The following XIRP2 variants were observed in gnomAD, a reference collection of about 807,000 sequenced individuals.
The protein encoded by XIRP2 is xin actin-binding repeat-containing protein 2.
Under a neutral mutation model 277.0 loss-of-function variants are expected in XIRP2, and 236 were observed. The observed-to-expected ratio is 0.85, with a 90% CI of 0.77 to 0.95. XIRP2 has a LOEUF of 0.95. Ranked by LOEUF, XIRP2 falls within the 40% of genes least tolerant of loss-of-function variation. The pLI, the probability that XIRP2 is intolerant of heterozygous loss-of-function variation, is 0.00. For synonymous variants in XIRP2, 1,490 were observed against 1,416.5 expected (o/e 1.05, Z -1.17); for missense variants, 4,640 against 4,157.5 (o/e 1.12, Z -3.19).
chr2:166,894,025 A>T (rs1684177194), intron 1 of XIRP2, among the ~76,000 whole-genome samples: 1 of 152,168 alleles, frequency 6.6e-6, no homozygotes, highest in Non-Finnish European at 1.5e-5. Context: ...GACCTAGTCA[A>T]AGATAATTTT....
rs567386196 is a variant in XIRP2, at chr2:166,938,870, C to G, written c.408+34980C>G. Among the ~76,000 whole-genome samples, 50 of 152,202 alleles carry G rather than the reference C, an allele frequency of 3.3e-4. No homozygotes were observed. In the East Asian group the frequency reaches 8.9e-3, roughly 27 times the overall value. ...AATGGCCTCTTTTGTCTCTTTTGATCTTTGTTGGTTTAAAGTCTGTTTTAT... is the reference window on the plus strand; with the variant it reads ...AATGGCCTCTTTTGTCTCTTTTGATGTTTGTTGGTTTAAAGTCTGTTTTAT... On this transcript the variant is annotated intron_variant, in intron 2 of 10. Coordinates refer to ENST00000409195, the MANE Select transcript of XIRP2 (RefSeq NM_152381.6).
In XIRP2 at chr2:167,120,133, C is replaced by G. The variant is rs73015937; in HGVS notation, c.409-15776C>G. Among the ~76,000 whole-genome samples the G allele has an allele frequency of 4.7e-3, 713 of 152,196 alleles. 5 individuals carry two copies. The highest frequency in any genetic ancestry group is 0.017 in the African/African-American group (695 of 41,542). The stretch of plus-strand genomic sequence containing the variant: ...TTGATGTTTTTTGACCAGCTGTAGT[C>G]CAGTAGTGCAGAAACGAGGATTCTC... On this transcript the variant is annotated intron_variant, in intron 2 of 10. Coordinates refer to ENST00000409195, the MANE Select transcript of XIRP2 (RefSeq NM_152381.6).
At chr2:167,170,954 C>T (rs1692673224) in intron 3 of XIRP2, among the ~76,000 whole-genome samples, 1 of 134,516 alleles carries the variant, frequency 7.4e-6, no homozygotes, top group Non-Finnish European at 1.5e-5. Context: ...GGCTGGAGTG[C>T]AGTGGCCCAA....
In XIRP2 at chr2:167,242,802, C is replaced by G. The variant is rs1283396190; in HGVS notation, c.1410C>G (p.Ser470=). The G allele has an allele frequency of 6.2e-7, 1 of 1,613,942 alleles. No homozygotes were observed. Among genetic ancestry groups the G allele is most frequent in the Non-Finnish European group, 8.5e-7 (1 of 1,179,940 alleles). Reference sequence around the variant, plus strand: ...CTTCAGTAGATGTGACAGCATTTTCCCAGTCCCCTGAACTGCCCAGTCCTC... The same window carrying G: ...CTTCAGTAGATGTGACAGCATTTTCGCAGTCCCCTGAACTGCCCAGTCCTC... The part of the protein sequence containing the change: ...LQTSVDVTAF[S]QSPELPSPPR... Residue 470 remains serine (S), a synonymous_variant, in exon 9 of 11, where the codon TCC becomes TCG. Coordinates refer to ENST00000409195, the MANE Select transcript of XIRP2 (RefSeq NM_152381.6).
chr2:167,130,269 C>A (rs892665366), intron 2 of XIRP2, among the ~76,000 whole-genome samples: 10 of 152,238 alleles, frequency 6.6e-5, no homozygotes, highest in African/African-American at 2.4e-4. Flanking sequence ...ATTCAGTCAG[C>A]TGCACCTTCC....
chr2:167,018,825 C>T (rs1687906414), intron 2 of XIRP2, among the ~76,000 whole-genome samples: 1 of 152,064 alleles, frequency 6.6e-6, no homozygotes, highest in African/African-American at 2.4e-5. Flanking sequence ...TCACCTCCCA[C>T]TTGCCTTCCC....
chr2:167,233,214 A>T (rs1203987997), intron 5 of XIRP2, among the ~76,000 whole-genome samples: 1 of 151,932 alleles, frequency 6.6e-6, no homozygotes, highest in African/African-American at 2.4e-5. Context: ...AAACAGCATG[A>T]TATATTTGTG....
rs574341575 is a variant in XIRP2, at chr2:167,178,503, T to C, written c.563-32232T>C. ...ATTTTGTTACCTTTACTAAACACTATTGTTTGATTCGGGATGGTTATTTTT... is the reference window on the plus strand; with the variant it reads ...ATTTTGTTACCTTTACTAAACACTACTGTTTGATTCGGGATGGTTATTTTT... On this transcript the variant is annotated intron_variant, in intron 3 of 10. Coordinates refer to ENST00000409195, the MANE Select transcript of XIRP2 (RefSeq NM_152381.6). 8.0e-4 allele frequency among the ~76,000 whole-genome samples: 122 copies of C among 152,272 alleles called. 1 individual carries two copies. The highest frequency in any genetic ancestry group is 2.7e-3 in the African/African-American group (114 of 41,572).
chr2:167,134,655 C>A (rs1691490559), intron 2 of XIRP2, among the ~76,000 whole-genome samples: 1 of 152,266 alleles, frequency 6.6e-6, no homozygotes, highest in African/African-American at 2.4e-5. Flanking sequence ...CCGAACCCTA[C>A]ATATACTCTG....
chr2:166,946,468 C>T (rs1685866754), intron 2 of XIRP2, among the ~76,000 whole-genome samples: 2 of 151,980 alleles, frequency 1.3e-5, no homozygotes, highest in African/African-American at 2.4e-5. Flanking sequence ...TGTGCATAGC[C>T]CTGGATGGCT....
At chr2:167,017,826 A>G (rs896987801) in intron 2 of XIRP2, among the ~76,000 whole-genome samples, 2 of 152,020 alleles carry the variant, frequency 1.3e-5, no homozygotes, top group Non-Finnish European at 2.9e-5. Flanking sequence ...TCCAGTACCA[A>G]CATCTTCGGG....
intron 2 of XIRP2, among the ~76,000 whole-genome samples, chr2:167,085,714 T>C (rs1192508248): frequency 1.3e-5 from 2 of 151,888 alleles, no homozygotes; most frequent in African/African-American, 4.8e-5. Flanking sequence ...TCTTTGTCTC[T>C]TTTGATCTTT....
intron 3 of XIRP2, chr2:167,187,538 G>T (rs935385567): frequency 4.1e-5 from 40 of 984,886 alleles, no homozygotes; most frequent in Non-Finnish European, 4.7e-5. Flanking sequence ...AAAGGTAAGT[G>T]TAATATAGTC....
intron 3 of XIRP2, among the ~76,000 whole-genome samples, chr2:167,192,556 T>A (rs189754934): frequency 7.0e-4 from 106 of 152,352 alleles, no homozygotes; most frequent in African/African-American, 2.0e-3. Context: ...TGGAGTTTTT[T>A]AATCTGGACT....
chr2:167,191,798 A>G (rs907971253), intron 3 of XIRP2, among the ~76,000 whole-genome samples: 1 of 152,188 alleles, frequency 6.6e-6, no homozygotes, highest in African/African-American at 2.4e-5. Flanking sequence ...TATGCAGATT[A>G]TATCCTTGTT....
chr2:167,142,077 A>C (rs1691736534), intron 3 of XIRP2, among the ~76,000 whole-genome samples: 1 of 152,066 alleles, frequency 6.6e-6, no homozygotes, highest in African/African-American at 2.4e-5. Context: ...AGTGTGTGGA[A>C]TCACTCCTAC....
intron 2 of XIRP2, among the ~76,000 whole-genome samples, chr2:166,973,714 C>T (rs1686633423): frequency 6.6e-6 from 1 of 152,186 alleles, no homozygotes; most frequent in South Asian, 2.1e-4. Context: ...ATTCTAGTAA[C>T]ATTTCATTAA....
intron 2 of XIRP2, among the ~76,000 whole-genome samples, chr2:166,998,790 G>C (rs1482158030): frequency 2.0e-5 from 3 of 152,108 alleles, no homozygotes; most frequent in African/African-American, 7.2e-5. Context: ...TCTTTGTCTT[G>C]CTTCTTCACA....
intron 2 of XIRP2, among the ~76,000 whole-genome samples, chr2:166,904,771 TG>T (rs1397561578): frequency 6.6e-6 from 1 of 152,110 alleles, no homozygotes; most frequent in African/African-American, 2.4e-5. Flanking sequence ...CACGCTTTTT[TG>T]TTTGTTTGAT....
Sources: allele counts gnomAD v4.1 joint callset (sites outside exome capture counted in the v4.1 genomes callset), GRCh38; gene constraint gnomAD v4.1.1; transcripts MANE v1.5; gene names NCBI Gene and HGNC (gene_info 2026-07-23, HGNC 2026-07-21).